Variants in COL4A5 observed in about 807,000 individuals in gnomAD.
COL4A5 encodes collagen alpha-5(IV) chain.
Under a neutral mutation model 130.2 loss-of-function variants are expected in COL4A5, and 26 were observed. That is an observed-to-expected ratio of 0.20 (90% CI 0.15 to 0.28). The LOEUF (loss-of-function observed/expected upper bound fraction) is 0.28. COL4A5 is among the 10% of genes least tolerant of loss of function. COL4A5 has a pLI of 1.00. For missense variants in COL4A5, 1,131 were observed against 1,344.3 expected, an observed-to-expected ratio of 0.84 and a Z score of 2.48; for synonymous variants, 496 against 439.6, an observed-to-expected ratio of 1.13 and a Z score of -1.60.
At chrX:108,495,215 A>C (rs2147555277) in intron 1 of COL4A5, among the ~76,000 whole-genome samples, 1 of 111,406 alleles carries the variant, frequency 9.0e-6, no homozygotes, top group East Asian at 2.8e-4. Flanking sequence ...CAAAAAAGTT[A>C]ACTCAGAATG....
intron 30 of COL4A5, among the ~76,000 whole-genome samples, chrX:108,616,202 G>A (rs2066923157): frequency 9.1e-6 from 1 of 110,018 alleles, no homozygotes; most frequent in African/African-American, 3.3e-5. Context: ...CTTATTTTTA[G>A]GTTTGACCTG....
chrX:108,514,566 TAGAAC>T (rs1443821383), intron 1 of COL4A5, among the ~76,000 whole-genome samples: 1 of 111,757 alleles, frequency 8.9e-6, no homozygotes, highest in African/African-American at 3.3e-5. Flanking sequence ...GGAAAGAAGT[TAGAAC>T]AGAGTGGAAA....
chrX:108,465,203 T>C (rs745475048), intron 1 of COL4A5, among the ~76,000 whole-genome samples: 86 of 112,242 alleles, frequency 7.7e-4, no homozygotes, highest in Non-Finnish European at 1.3e-3. Flanking sequence ...ATGTAATGTA[T>C]TGAACCTTAC....
chrX:108,654,813 C>T (rs987759270), intron 36 of COL4A5, among the ~76,000 whole-genome samples: 1 of 111,992 alleles, frequency 8.9e-6, no homozygotes, highest in African/African-American at 3.2e-5. Flanking sequence ...TTCAGTAGAA[C>T]GTACTATAGC....
At position 108,528,335 on chromosome X, in the gene COL4A5, A is replaced by G. The variant is rs746736771; in HGVS notation, c.82-11411A>G. 9.8e-5 allele frequency among the ~76,000 whole-genome samples: 11 copies of G among 112,625 alleles called. No homozygotes were observed. In the South Asian group the frequency reaches 4.0e-3, roughly 41 times the overall value. On this transcript the variant is annotated intron_variant, in intron 1 of 52. Transcript: ENST00000328300. ...TGAACAGAATCAAAGTCAAAGTACC[A>G]TACACAGCCAATATCTTAGATACAT...
chrX:108,597,011 C>T lies in COL4A5; in HGVS notation c.1530C>T (p.Phe510=), dbSNP rs2147809019. 8.4e-7 allele frequency: 1 copy of T among 1,184,996 alleles called. No individual in the cohort carries two copies. The highest frequency in any genetic ancestry group is 3.0e-5 in the East Asian group (1 of 32,840). Residue 510 remains phenylalanine, a synonymous_variant, in exon 23 of 53, where the codon TTC becomes TTT. Transcript: ENST00000328300. ...GLPGPPGSLG[F]PGQKGEKGQA... ...TGTGTGTGTTAGGATCTCTTGGTTT[C>T]CCTGGACAGAAAGGGGAAAAAGGAC...
intron 25 of COL4A5, among the ~76,000 whole-genome samples, chrX:108,600,701 T>C (rs1397538525): frequency 1.8e-5 from 2 of 110,112 alleles, no homozygotes; most frequent in Non-Finnish European, 3.8e-5. Flanking sequence ...TGAGAGGTGA[T>C]TTATTATGGG....
chrX:108,550,441 A>G (rs1262059792), intron 2 of COL4A5, among the ~76,000 whole-genome samples: 1 of 111,812 alleles, frequency 8.9e-6, no homozygotes, highest in Admixed American at 9.5e-5. Flanking sequence ...AAATATATAA[A>G]CCCCCAATAA....
intron 1 of COL4A5, among the ~76,000 whole-genome samples, chrX:108,469,296 G>A (rs2064741316): frequency 9.4e-6 from 1 of 106,195 alleles, no homozygotes; most frequent in Non-Finnish European, 1.9e-5. Flanking sequence ...CTGTCACTGT[G>A]CCTGGCTAAT....
intron 1 of COL4A5, among the ~76,000 whole-genome samples, chrX:108,512,013 C>A (rs1459808894): frequency 2.7e-5 from 3 of 111,435 alleles, no homozygotes; most frequent in African/African-American, 9.8e-5. Flanking sequence ...ATACTGAAAA[C>A]CATTGACCTG....
intron 48 of COL4A5, among the ~76,000 whole-genome samples, chrX:108,686,530 G>A (rs1436614698): frequency 2.7e-5 from 3 of 111,915 alleles, no homozygotes; most frequent in Non-Finnish European, 5.6e-5. Context: ...CAGTTTAAGT[G>A]ATTGCCATAG....
chrX:108,656,644 C>T (rs2067847578), intron 37 of COL4A5, among the ~76,000 whole-genome samples: 2 of 111,513 alleles, frequency 1.8e-5, no homozygotes, highest in South Asian at 7.5e-4. Context: ...TCCAGTTCTC[C>T]AATTGCCCAT....
At chrX:108,688,932 C>A (rs769370899) in intron 49 of COL4A5, among the ~76,000 whole-genome samples, 1 of 111,727 alleles carries the variant, frequency 9.0e-6, no homozygotes, top group Non-Finnish European at 1.9e-5. Context: ...TTTTCCAAGG[C>A]ATATGGCCAC....
chrX:108,480,470 A>G (rs966230774), intron 1 of COL4A5, among the ~76,000 whole-genome samples: 1 of 113,087 alleles, frequency 8.8e-6, no homozygotes, highest in Non-Finnish European at 1.9e-5. Flanking sequence ...CCAATGCAAT[A>G]TCTTGCAGAA....
chrX:108,539,442 C>G (rs926025795), intron 1 of COL4A5, among the ~76,000 whole-genome samples: 2 of 111,536 alleles, frequency 1.8e-5, no homozygotes, highest in East Asian at 5.6e-4. Context: ...GATGGTGTAG[C>G]TTTCCATCTT....
chrX:108,488,698 A>T (rs2064968961), intron 1 of COL4A5, among the ~76,000 whole-genome samples: 1 of 111,931 alleles, frequency 8.9e-6, no homozygotes, highest in Non-Finnish European at 1.9e-5. Flanking sequence ...TATATTTAAG[A>T]TCCTGTGATA....
chrX:108,668,719 A>T (rs946309448), intron 41 of COL4A5, among the ~76,000 whole-genome samples: 2 of 112,367 alleles, frequency 1.8e-5, no homozygotes, highest in African/African-American at 6.5e-5. Context: ...AATTTGCTTT[A>T]GTAATGCATT....
At chrX:108,618,282 G>A (rs1263251941) in intron 30 of COL4A5, among the ~76,000 whole-genome samples, 1 of 111,245 alleles carries the variant, frequency 9.0e-6, no homozygotes, top group Non-Finnish European at 1.9e-5. Flanking sequence ...TATAATGTCT[G>A]TTATTACTAC....
intron 36 of COL4A5, among the ~76,000 whole-genome samples, chrX:108,638,689 G>A (rs1008715060): frequency 8.1e-5 from 9 of 111,582 alleles, no homozygotes; most frequent in East Asian, 5.6e-4. Context: ...CCATATATGC[G>A]GAAAATAGGT....
Sources: allele counts gnomAD v4.1 joint callset (sites outside exome capture counted in the v4.1 genomes callset), GRCh38; gene constraint gnomAD v4.1.1; transcripts MANE v1.5; gene names NCBI Gene and HGNC (gene_info 2026-07-23, HGNC 2026-07-21).